VTA1: variants seen among roughly 807,000 people sequenced by gnomAD.
VTA1 encodes the protein vesicle trafficking 1, also known as vacuolar protein sorting-associated protein VTA1 homolog.
Under a neutral mutation model 36.9 loss-of-function variants are expected in VTA1, and 24 were observed. The ratio of observed to expected loss-of-function variants is 0.65; its 90% confidence interval spans 0.47 to 0.91. The LOEUF (loss-of-function observed/expected upper bound fraction) is 0.91, where lower values mean the gene tolerates loss of function less well. VTA1 is among the 40% of genes least tolerant of loss of function. The pLI is 0.00. For synonymous variants in VTA1, 142 were observed against 130.2 expected (o/e 1.09, Z -0.62); for missense variants, 393 against 377.2 (o/e 1.04, Z -0.35).
intron 1 of VTA1, among the ~76,000 whole-genome samples, chr6:142,150,156 T>A (rs901989036): frequency 2.1e-4 from 32 of 152,358 alleles, no homozygotes; most frequent in African/African-American, 7.5e-4. Flanking sequence ...ACTCTATTTC[T>A]GTGAACACTT....
At chr6:142,195,699 CCT>C (rs1775532865) in intron 5 of VTA1, among the ~76,000 whole-genome samples, 1 of 149,574 alleles carries the variant, frequency 6.7e-6, no homozygotes, top group Non-Finnish European at 1.5e-5. Flanking sequence ...TTTCAGTTTC[CCT>C]CTAAGCATTG....
chr6:142,221,137 C>G lies in VTA1; in HGVS notation c.*2494C>G, dbSNP rs1034005526. 4 of 152,138 alleles carry G rather than the reference C, an allele frequency of 2.6e-5. No individual in the cohort carries two copies. The highest frequency in any genetic ancestry group is 9.7e-5 in the African/African-American group (4 of 41,432). 9.4% of individuals were successfully genotyped at this position (152,138 alleles called of 1,614,324 possible). A position where few individuals can be genotyped will look rare whatever the true frequency, so the allele number is the denominator to read the frequency against. On this transcript the variant is annotated 3_prime_UTR_variant, in exon 8 of 8. Coordinates refer to ENST00000367630, the MANE Select transcript of VTA1 (RefSeq NM_016485.5). ...CAAGTCTGAGAAAAGAGATTCTCCT[C>G]AAACCGGTTCTCAAAGGTGTCTCTG...
At chr6:142,168,844 G>A (rs1411182106) in intron 2 of VTA1, among the ~76,000 whole-genome samples, 1 of 151,222 alleles carries the variant, frequency 6.6e-6, no homozygotes, top group African/African-American at 2.4e-5. Context: ...TCAGCCCACT[G>A]CAAGCTCCTC....
At chr6:142,209,381 A>G (rs1038855550) in intron 7 of VTA1, among the ~76,000 whole-genome samples, 4 of 151,738 alleles carry the variant, frequency 2.6e-5, no homozygotes, top group East Asian at 1.9e-4. Context: ...TTGTGTATAT[A>G]CACTATGTGT....
chr6:142,188,115 G>C (rs755734421), intron 4 of VTA1, among the ~76,000 whole-genome samples: 9 of 150,588 alleles, frequency 6.0e-5, no homozygotes, highest in Non-Finnish European at 1.3e-4. Flanking sequence ...CACCATATTG[G>C]CCAGGCTGGT....
chr6:142,168,740 C>CATT (rs3079231), intron 2 of VTA1, among the ~76,000 whole-genome samples: 18,199 of 140,646 alleles, frequency 0.13, 1,311 homozygotes, highest in Admixed American at 0.16. Context: ...TGAGAGATAT[C>CATT]ATTATTATTA....
intron 5 of VTA1, among the ~76,000 whole-genome samples, chr6:142,194,975 A>G (rs888920503): frequency 6.6e-6 from 1 of 151,992 alleles, no homozygotes; most frequent in Non-Finnish European, 1.5e-5. Context: ...CCAACCCTGC[A>G]CTCATTGGTA....
chr6:142,170,537 CA>C (rs1269965197), intron 4 of VTA1, 116 bp downstream of exon 4: 8 of 656,218 alleles, frequency 1.2e-5, no homozygotes, highest in Non-Finnish European at 1.6e-5. Context: ...TTAATGCAAG[CA>C]AAAAATGTAA....
chr6:142,149,265 C>T (rs1165125161), intron 1 of VTA1, among the ~76,000 whole-genome samples: 3 of 152,100 alleles, frequency 2.0e-5, no homozygotes, highest in Non-Finnish European at 4.4e-5. Flanking sequence ...TCTCATCAGG[C>T]TTATGAAGAA....
chr6:142,212,662 G>T (rs184990017), intron 7 of VTA1, among the ~76,000 whole-genome samples: 3 of 152,294 alleles, frequency 2.0e-5, no homozygotes, highest in African/African-American at 7.2e-5. Context: ...ACGACTCATG[G>T]TTACACAGGC....
At chr6:142,217,139 G>T (rs1776017759) in intron 7 of VTA1, among the ~76,000 whole-genome samples, 1 of 152,092 alleles carries the variant, frequency 6.6e-6, no homozygotes, top group Non-Finnish European at 1.5e-5. Context: ...TTAAAATTGG[G>T]ATCGGTAATC....
intron 2 of VTA1, among the ~76,000 whole-genome samples, chr6:142,168,740 C>CATTATTATTATT (rs3079231): frequency 1.8e-4 from 26 of 140,802 alleles, no homozygotes; most frequent in East Asian, 4.1e-4. Context: ...TGAGAGATAT[C>CATTATTATTATT]ATTATTATTA....
chr6:142,218,770 G>GT lies in VTA1; in HGVS notation c.*128dup. The GT allele has an allele frequency of 9.0e-7, 1 of 1,106,282 alleles. No individual in the cohort carries two copies. Among genetic ancestry groups the GT allele is most frequent in the Non-Finnish European group, 1.2e-6 (1 of 815,198 alleles). The allele number at this position is 1,106,282 out of a possible 1,614,324, so 68.5% of individuals were successfully genotyped here. ...TTTGTTGAATATGACAATGAAATCT[G>GT]TGTGTATCAGATTTTTATTGAAGCA... On this transcript the variant is annotated 3_prime_UTR_variant, in exon 8 of 8. Coordinates refer to ENST00000367630, the MANE Select transcript of VTA1 (RefSeq NM_016485.5).
intron 7 of VTA1, among the ~76,000 whole-genome samples, chr6:142,210,674 C>T (rs1055955370): frequency 3.9e-5 from 6 of 152,116 alleles, no homozygotes; most frequent in African/African-American, 1.4e-4. Flanking sequence ...CAGAGAAATA[C>T]AAATCAAAAT....
At chr6:142,164,022 G>T (rs1272616332) in intron 1 of VTA1, among the ~76,000 whole-genome samples, 1 of 152,042 alleles carries the variant, frequency 6.6e-6, no homozygotes, top group Admixed American at 6.6e-5. Flanking sequence ...GGACTCAAAG[G>T]CCTAGCTAGC....
intron 4 of VTA1, among the ~76,000 whole-genome samples, chr6:142,183,671 T>C (rs1207215354): frequency 6.6e-6 from 1 of 152,158 alleles, no homozygotes. Context: ...CAAAAATACA[T>C]CTTGAAAATT....
At position 142,220,867 on chromosome 6, in the gene VTA1, C is replaced by G. The variant is rs1447865678; in HGVS notation, c.*2224C>G. 6.6e-6 allele frequency: 1 copy of G among 151,702 alleles called. No individual in the cohort carries two copies. Among genetic ancestry groups the G allele is most frequent in the Non-Finnish European group, 1.5e-5 (1 of 67,972 alleles). 9.4% of individuals were successfully genotyped at this position (151,702 alleles called of 1,614,324 possible). A position where few individuals can be genotyped will look rare whatever the true frequency, so the allele number is the denominator to read the frequency against. The stretch of plus-strand genomic sequence containing the variant: ...TGGTATTGTTCTTTGAAAGCAGAAA[C>G]AGCAGGAAAAAAAGTCCCTCCCTCA... On this transcript the variant is annotated 3_prime_UTR_variant, in exon 8 of 8. Transcript: ENST00000367630.
chr6:142,175,720 C>G (rs1391930606), intron 4 of VTA1, among the ~76,000 whole-genome samples: 1 of 151,904 alleles, frequency 6.6e-6, no homozygotes, highest in East Asian at 1.9e-4. Flanking sequence ...CATAACTTTT[C>G]TAAAATGTAA....
At chr6:142,187,179 T>C (rs577277217) in intron 4 of VTA1, among the ~76,000 whole-genome samples, 1 of 152,172 alleles carries the variant, frequency 6.6e-6, no homozygotes, top group Non-Finnish European at 1.5e-5. Context: ...TTGCACTCTG[T>C]CCTAGGACAG....
Sources: allele counts gnomAD v4.1 joint callset (sites outside exome capture counted in the v4.1 genomes callset), GRCh38; gene constraint gnomAD v4.1.1; transcripts MANE v1.5; gene names NCBI Gene and HGNC (gene_info 2026-07-23, HGNC 2026-07-21).